Variants in SEPTIN14 observed in about 807,000 individuals in gnomAD.
The protein encoded by SEPTIN14 is septin 14.
A neutral mutation model predicts 53.6 loss-of-function variants in SEPTIN14; 40 were observed. The observed-to-expected ratio is 0.75, with a 90% CI of 0.58 to 0.97. The LOEUF (loss-of-function observed/expected upper bound fraction) is 0.97. Among genes scored for constraint, SEPTIN14 ranks in the 50% least tolerant of loss-of-function variants. The probability of loss-of-function intolerance (pLI) is 0.00; values close to 1 mark genes in which losing one functional copy is unlikely to be tolerated. For synonymous variants in SEPTIN14, 138 were observed against 166.8 expected, an observed-to-expected ratio of 0.83 and a Z score of 1.33; for missense variants, 471 against 508.2, an observed-to-expected ratio of 0.93 and a Z score of 0.70.
rs193015697 is a variant in SEPTIN14 at position 55,847,963 on chromosome 7, C to A, written c.55-1326G>T. On this transcript the variant is annotated intron_variant, in intron 2 of 9. Coordinates refer to ENST00000388975, the MANE Select transcript of SEPTIN14 (RefSeq NM_207366.3). ...TGCACAACTATAAACACATTAAATA[C>A]CACTTTGCAATGACAGCTCAGCATA... 2.7e-3 allele frequency among the ~76,000 whole-genome samples: 404 copies of A among 152,120 alleles called. 5 individuals carry two copies. The highest frequency in any genetic ancestry group is 0.01 in the Middle Eastern group (3 of 294).
At chr7:55,818,565 C>A (rs1484018838) in intron 7 of SEPTIN14, among the ~76,000 whole-genome samples, 2 of 151,620 alleles carry the variant, frequency 1.3e-5, no homozygotes, top group Admixed American at 6.6e-5. Context: ...GTATATGAAC[C>A]AGACAATAAA....
At chr7:55,841,853 CAAAAAA>C (rs58433679) in intron 5 of SEPTIN14, among the ~76,000 whole-genome samples, 1 of 73,526 alleles carries the variant, frequency 1.4e-5, no homozygotes, top group Non-Finnish European at 2.6e-5. Flanking sequence ...GAAACTCCGC[CAAAAAA>C]AAAAAAAAAA....
intron 9 of SEPTIN14, among the ~76,000 whole-genome samples, chr7:55,796,968 C>G (rs150212300): frequency 0.027 from 4,046 of 151,996 alleles, 192 homozygotes; most frequent in African/African-American, 0.092. Context: ...ACTAAAAATA[C>G]AAAAAGTAGC....
At chr7:55,810,916 C>G (rs1788690080) in intron 7 of SEPTIN14, 1 of 359,242 alleles carries the variant, frequency 2.8e-6, no homozygotes, top group East Asian at 7.0e-5. Context: ...ACTAGGGTAA[C>G]AGTGATAGCA....
At chr7:55,811,496 CT>C (rs1170803437) in intron 7 of SEPTIN14, 37,321 of 180,134 alleles carry the variant, frequency 0.21, 732 homozygotes, top group Non-Finnish European at 0.22. Context: ...TTTTACAGTT[CT>C]TTTTTTTTTT....
chr7:55,819,786 G>GA (rs1788862261), intron 6 of SEPTIN14, among the ~76,000 whole-genome samples: 1 of 151,988 alleles, frequency 6.6e-6, no homozygotes, highest in Admixed American at 6.6e-5. Context: ...GAAACACATA[G>GA]AAAAAAGATT....
intron 5 of SEPTIN14, among the ~76,000 whole-genome samples, chr7:55,834,960 T>C (rs1275222867): frequency 6.6e-6 from 1 of 152,112 alleles, no homozygotes; most frequent in Non-Finnish European, 1.5e-5. Context: ...ATAGTTTTTA[T>C]AGTAAAGCCT....
intron 6 of SEPTIN14, 151 bp downstream of exon 6, chr7:55,834,274 G>A (rs1051477148): frequency 9.6e-6 from 5 of 522,518 alleles, no homozygotes; most frequent in African/African-American, 2.0e-5. Context: ...TGAGGAACAT[G>A]CTGTATGAAT....
At chr7:55,854,136 A>T (rs1334100465) in intron 2 of SEPTIN14, among the ~76,000 whole-genome samples, 5 of 152,080 alleles carry the variant, frequency 3.3e-5, no homozygotes, top group Admixed American at 2.0e-4. Context: ...AAAAAAATTT[A>T]AAAATCAATA....
chr7:55,848,527 G>A (rs908864795), intron 2 of SEPTIN14, among the ~76,000 whole-genome samples: 3 of 151,688 alleles, frequency 2.0e-5, no homozygotes, highest in African/African-American at 7.3e-5. Context: ...GAATTCCTGA[G>A]CTCAAACAAT....
At position 55,843,068 on chromosome 7, in the gene SEPTIN14, CA is replaced by C; in HGVS notation, c.431del (p.Leu144ArgfsTer29). The C allele has an allele frequency of 6.2e-7, 1 of 1,607,580 alleles. No individual in the cohort carries two copies. ...ACTCAAACAAGGAACGTTTAATCTT[CA>C]GTTCTTCTTGAAGATAGGCCTCAAA... Reference protein sequence around the residue: ...AQFEAYLQEELKIKRSLFEYH... With the variant: ...AQFEAYLQEEXKIKRSLFEYH... On this transcript the variant is annotated frameshift_variant, in exon 5 of 10. Coordinates refer to ENST00000388975, the MANE Select transcript of SEPTIN14 (RefSeq NM_207366.3). LOFTEE classifies it high-confidence loss of function.
chr7:55,851,938 C>T (rs1158666912), intron 2 of SEPTIN14, among the ~76,000 whole-genome samples: 2 of 151,854 alleles, frequency 1.3e-5, no homozygotes, highest in African/African-American at 2.4e-5. Context: ...GTCAGGAGAT[C>T]GAGACCATCC....
At chr7:55,819,556 C>T (rs1788858260) in intron 6 of SEPTIN14, among the ~76,000 whole-genome samples, 1 of 151,952 alleles carries the variant, frequency 6.6e-6, no homozygotes, top group South Asian at 2.1e-4. Context: ...ACCACTGCAC[C>T]CCAGCCTGGG....
intron 2 of SEPTIN14, among the ~76,000 whole-genome samples, chr7:55,858,091 C>T (rs1016937574): frequency 2.0e-5 from 3 of 152,176 alleles, no homozygotes; most frequent in Non-Finnish European, 4.4e-5. Context: ...AATAAAAAAG[C>T]CTTCATCTAT....
intron 7 of SEPTIN14, among the ~76,000 whole-genome samples, chr7:55,809,750 C>T (rs1011895561): frequency 1.7e-4 from 25 of 148,992 alleles, no homozygotes; most frequent in African/African-American, 5.8e-4. Flanking sequence ...CACATGTACC[C>T]CTGAACCTAA....
At chr7:55,810,015 G>C (rs1788674440) in intron 7 of SEPTIN14, among the ~76,000 whole-genome samples, 1 of 151,714 alleles carries the variant, frequency 6.6e-6, no homozygotes, top group African/African-American at 2.4e-5. Context: ...TGTATTTTTA[G>C]TAGAGACAGG....
Position 55,795,702 on chromosome 7 carries a change from A to C in SEPTIN14, c.*211T>G. The C allele has an allele frequency of 1.8e-6, 1 of 541,140 alleles. No individual in the cohort carries two copies. Among genetic ancestry groups the C allele is most frequent in the Admixed American group, 3.3e-5 (1 of 30,574 alleles). 33.5% of individuals were successfully genotyped at this position (541,140 alleles called of 1,614,324 possible). On this transcript the variant is annotated 3_prime_UTR_variant, in exon 10 of 10. Transcript: ENST00000388975. ...AGGCTGGTTTTGAACTCCTGACCTC[A>C]GGTGGTCCACCCGCCTCAGCCTCCC...
chr7:55,849,668 C>T (rs2116064475), intron 2 of SEPTIN14, among the ~76,000 whole-genome samples: 1 of 152,144 alleles, frequency 6.6e-6, no homozygotes, highest in Non-Finnish European at 1.5e-5. Context: ...ATCACTTGAA[C>T]CTGGGAGGCA....
chr7:55,807,814 A>T (rs992728912), intron 7 of SEPTIN14, among the ~76,000 whole-genome samples: 1 of 152,208 alleles, frequency 6.6e-6, no homozygotes, highest in Non-Finnish European at 1.5e-5. Flanking sequence ...ACACGGAAAG[A>T]TATTTCATGC....
Sources: allele counts gnomAD v4.1 joint callset (sites outside exome capture counted in the v4.1 genomes callset), GRCh38; gene constraint gnomAD v4.1.1; transcripts MANE v1.5; gene names NCBI Gene and HGNC (gene_info 2026-07-23, HGNC 2026-07-21).